TMEM132D: variants seen among roughly 807,000 people sequenced by gnomAD.
TMEM132D encodes the protein transmembrane protein 132D.
TMEM132D carries 21 observed loss-of-function variants against 62.3 expected under a neutral mutation model. That is an observed-to-expected ratio of 0.34 (90% CI 0.24 to 0.49). The LOEUF is 0.49. TMEM132D is among the 20% of genes least tolerant of loss of function. The pLI is 0.99. For missense variants in TMEM132D, 1,346 were observed against 1,402.8 expected (o/e 0.96, Z 0.65); for synonymous variants, 621 against 575.6 (o/e 1.08, Z -1.13).
chr12:129,191,176 G>T (rs144163652), intron 5 of TMEM132D, among the ~76,000 whole-genome samples: 17 of 152,116 alleles, frequency 1.1e-4, no homozygotes, highest in African/African-American at 3.6e-4. Context: ...TAGCCTATGT[G>T]GAATCTACTC....
intron 3 of TMEM132D, among the ~76,000 whole-genome samples, chr12:129,458,931 T>C (rs926073353): frequency 6.6e-6 from 1 of 152,138 alleles, no homozygotes; most frequent in Non-Finnish European, 1.5e-5. Flanking sequence ...GTCTCCACTC[T>C]CTCCATTATA....
chr12:129,819,655 G>A (rs1384508020), intron 1 of TMEM132D, among the ~76,000 whole-genome samples: 1 of 152,074 alleles, frequency 6.6e-6, no homozygotes, highest in Non-Finnish European at 1.5e-5. Context: ...AGCCCTCATC[G>A]CTAACGGTAT....
chr12:129,271,990 C>A (rs1880865609), intron 4 of TMEM132D, among the ~76,000 whole-genome samples: 1 of 151,886 alleles, frequency 6.6e-6, no homozygotes, highest in Admixed American at 6.5e-5. Context: ...TGCCACATTA[C>A]CTTCCACAAT....
At chr12:129,171,350 T>A (rs1353189554) in intron 5 of TMEM132D, among the ~76,000 whole-genome samples, 2 of 152,192 alleles carry the variant, frequency 1.3e-5, no homozygotes, top group Non-Finnish European at 2.9e-5. Flanking sequence ...TGCACTGACT[T>A]CCTGCACTGA....
intron 3 of TMEM132D, among the ~76,000 whole-genome samples, chr12:129,407,039 T>C (rs535668508): frequency 1.3e-5 from 2 of 152,360 alleles, no homozygotes; most frequent in South Asian, 4.1e-4. Flanking sequence ...AGGAAAAGGC[T>C]ACTCTGAATG....
At chr12:129,401,822 C>T (rs1257373628) in intron 3 of TMEM132D, among the ~76,000 whole-genome samples, 1 of 152,104 alleles carries the variant, frequency 6.6e-6, no homozygotes, top group African/African-American at 2.4e-5. Context: ...CCTCCTCACT[C>T]TCAGCATCTA....
At chr12:129,656,625 C>G (rs1483856467) in intron 2 of TMEM132D, among the ~76,000 whole-genome samples, 1 of 152,106 alleles carries the variant, frequency 6.6e-6, no homozygotes, top group Non-Finnish European at 1.5e-5. Flanking sequence ...AGAGTATGTG[C>G]CTACCTAAAA....
chr12:129,607,904 C>T (rs59299619), intron 2 of TMEM132D, among the ~76,000 whole-genome samples: 1 of 152,222 alleles, frequency 6.6e-6, no homozygotes, highest in East Asian at 1.9e-4. Flanking sequence ...CTTTTCAAGC[C>T]CAGAATCACT....
At chr12:129,250,151 G>A (rs1023923470) in intron 4 of TMEM132D, among the ~76,000 whole-genome samples, 1 of 152,078 alleles carries the variant, frequency 6.6e-6, no homozygotes, top group East Asian at 1.9e-4. Flanking sequence ...GAATGCAGGC[G>A]GGGTAGCAAA....
At chr12:129,153,877 G>A (rs1877151430) in intron 5 of TMEM132D, among the ~76,000 whole-genome samples, 1 of 152,130 alleles carries the variant, frequency 6.6e-6, no homozygotes, top group Non-Finnish European at 1.5e-5. Context: ...TCCCGGCTCT[G>A]GAAAGTTTCT....
chr12:129,631,104 A>G (rs1471954321), intron 2 of TMEM132D, among the ~76,000 whole-genome samples: 2 of 152,224 alleles, frequency 1.3e-5, no homozygotes, highest in South Asian at 2.1e-4. Context: ...TTCCCATTAC[A>G]TAGGTGAGAA....
At chr12:129,557,580 G>T (rs954478397) in intron 2 of TMEM132D, among the ~76,000 whole-genome samples, 2 of 152,180 alleles carry the variant, frequency 1.3e-5, no homozygotes, top group African/African-American at 4.8e-5. Flanking sequence ...GCCAGGTGTG[G>T]TAAGGCATGC....
At chr12:129,416,536 C>T (rs10773654) in intron 3 of TMEM132D, among the ~76,000 whole-genome samples, 16,733 of 152,124 alleles carry the variant, frequency 0.11, 1,453 homozygotes, top group East Asian at 0.44. Flanking sequence ...TATTTGAATA[C>T]GCTTTATTTC....
Position 129,611,985 on chromosome 12 carries a change from C to T in TMEM132D, c.969-80780G>A, listed in dbSNP as rs111326796. Among the ~76,000 whole-genome samples the T allele has an allele frequency of 4.8e-3, 730 of 152,274 alleles. 5 individuals carry two copies. The highest frequency in any genetic ancestry group is 0.016 in the African/African-American group (677 of 41,544). ...CCAGCTCACAACGCAGACACTGGGC[C>T]GTGGCCGGTCGCAGTACCCTATGGA... On this transcript the variant is annotated intron_variant, in intron 2 of 8. Transcript: ENST00000422113.
At chr12:129,355,857 T>C (rs1258391994) in intron 3 of TMEM132D, among the ~76,000 whole-genome samples, 1 of 152,180 alleles carries the variant, frequency 6.6e-6, no homozygotes, top group Non-Finnish European at 1.5e-5. Flanking sequence ...TTCCTGGCCC[T>C]TGGAGGGGCC....
chr12:129,258,630 C>G (rs1289312642), intron 4 of TMEM132D, among the ~76,000 whole-genome samples: 1 of 152,168 alleles, frequency 6.6e-6, no homozygotes, highest in East Asian at 1.9e-4. Flanking sequence ...AGGCATTTTG[C>G]TAGTCAGTCA....
intron 4 of TMEM132D, among the ~76,000 whole-genome samples, chr12:129,263,082 C>A (rs866950869): frequency 5.3e-5 from 8 of 152,160 alleles, no homozygotes; most frequent in Non-Finnish European, 1.0e-4. Context: ...TTACCGTGGG[C>A]TGGCTGTGTC....
rs71449389 is a variant in TMEM132D at position 129,105,570 on chromosome 12, GA to G, written c.1444-20869del. ...ATAATAAAAAAAAAGAAAAAAAAAA[GA>G]AAAAAACAAACAACCCCATCAAAAA... On this transcript the variant is annotated intron_variant, in intron 5 of 8. Transcript: ENST00000422113. Among the ~76,000 whole-genome samples the G allele has an allele frequency of 2.8e-5, 4 of 142,932 alleles. 1 individual carries two copies. Among genetic ancestry groups the G allele is most frequent in the African/African-American group, 1.1e-4 (4 of 37,592 alleles). 93.8% of individuals were successfully genotyped at this position (142,932 alleles called of 152,430 possible).
intron 2 of TMEM132D, among the ~76,000 whole-genome samples, chr12:129,696,453 C>G (rs79682700): frequency 0.016 from 2,504 of 152,328 alleles, 68 homozygotes; most frequent in African/African-American, 0.054. Context: ...TTAAGAACAG[C>G]CCCTTCTCTG....
Sources: allele counts gnomAD v4.1 joint callset (sites outside exome capture counted in the v4.1 genomes callset), GRCh38; gene constraint gnomAD v4.1.1; transcripts MANE v1.5; gene names NCBI Gene and HGNC (gene_info 2026-07-23, HGNC 2026-07-21).